The following KIF26B variants were observed in gnomAD, a reference collection of about 807,000 sequenced individuals.
The protein encoded by KIF26B is kinesin-like protein KIF26B.
KIF26B carries 63 observed loss-of-function variants against 151.2 expected under a neutral mutation model. The ratio of observed to expected loss-of-function variants is 0.42; its 90% CI spans 0.34 to 0.51. The LOEUF is 0.51. Ranked by LOEUF, KIF26B falls within the 20% of genes least tolerant of loss-of-function variation. KIF26B has a pLI of 0.07. For synonymous variants in KIF26B, 1,357 were observed against 1,262.1 expected (o/e 1.08, Z -1.59); for missense variants, 2,813 against 2,913.6 (o/e 0.97, Z 0.79).
At chr1:245,669,016 CAT>C (rs1558260739) in intron 10 of KIF26B, among the ~76,000 whole-genome samples, 1 of 152,274 alleles carries the variant, frequency 6.6e-6, no homozygotes, top group East Asian at 1.9e-4. Flanking sequence ...TTAAACCACA[CAT>C]GATACCCAGA....
chr1:245,678,929 G>A (rs1374403026), intron 10 of KIF26B, among the ~76,000 whole-genome samples: 2 of 152,016 alleles, frequency 1.3e-5, no homozygotes, highest in African/African-American at 2.4e-5. Flanking sequence ...ATGCCTGTGC[G>A]TATGGCTGGC....
chr1:245,242,070 A>C (rs1490683107), intron 2 of KIF26B, among the ~76,000 whole-genome samples: 1 of 152,226 alleles, frequency 6.6e-6, no homozygotes, highest in Non-Finnish European at 1.5e-5. Flanking sequence ...GATTTAAAAT[A>C]GCATCTCAAA....
rs58192966 is a variant in KIF26B, at chr1:245,451,585, C to CTTTTTTTTTTTTTTTTTTTT, written c.1166+31849_1166+31868dup. Among the ~76,000 whole-genome samples the CTTTTTTTTTTTTTTTTTTTT allele has an allele frequency of 4.3e-4, 25 of 58,754 alleles. 2 individuals carry two copies. Among genetic ancestry groups the CTTTTTTTTTTTTTTTTTTTT allele is most frequent in the African/African-American group, 9.9e-4 (14 of 14,090 alleles). The allele number at this position is 58,754 out of a possible 152,430, so 38.5% of individuals were successfully genotyped here. Reference sequence around the variant, plus strand: ...TATAATATGTATCCAGAAGATCTATCTTTTTTTTTTTTTTTTTTTTTTTTT... The same window carrying CTTTTTTTTTTTTTTTTTTTT: ...TATAATATGTATCCAGAAGATCTATCTTTTTTTTTTTTTTTTTTTTTTTTTTTTTTTTTTTTTTTTTTTTT... On this transcript the variant is annotated intron_variant, in intron 4 of 14. Coordinates refer to ENST00000407071, the MANE Select transcript of KIF26B (RefSeq NM_018012.4).
intron 4 of KIF26B, among the ~76,000 whole-genome samples, chr1:245,485,935 T>C (rs925559494): frequency 6.6e-6 from 1 of 152,224 alleles, no homozygotes; most frequent in Non-Finnish European, 1.5e-5. Context: ...TCAGTTTGTC[T>C]TCTGGTTAAA....
rs2044870794 is a variant in KIF26B at position 245,708,697 on chromosome 1, T to C, written c.*6091T>C. On this transcript the variant is annotated 3_prime_UTR_variant, in exon 15 of 15. Coordinates refer to ENST00000407071, the MANE Select transcript of KIF26B (RefSeq NM_018012.4). Reference sequence around the variant, plus strand: ...AATTCCAGCTTTGCCAGTCGTCCCGTCCGTGATATATTACCTAACTCCTCC... The same window carrying C: ...AATTCCAGCTTTGCCAGTCGTCCCGCCCGTGATATATTACCTAACTCCTCC... The C allele has an allele frequency of 6.6e-6, 1 of 152,212 alleles. No homozygotes were observed. Among genetic ancestry groups the C allele is most frequent in the African/African-American group, 2.4e-5 (1 of 41,454 alleles). The allele number at this position is 152,212 out of a possible 1,614,324, so 9.4% of individuals were successfully genotyped here.
At position 245,316,416 on chromosome 1, in the gene KIF26B, G is replaced by T. The variant is rs541096888; in HGVS notation, c.466-50418G>T. 5.9e-5 allele frequency among the ~76,000 whole-genome samples: 9 copies of T among 152,162 alleles called. No individual in the cohort carries two copies. The South Asian group carries it at 1.9e-3, about 32-fold the overall frequency. On this transcript the variant is annotated intron_variant, in intron 2 of 14. Coordinates refer to ENST00000407071, the MANE Select transcript of KIF26B (RefSeq NM_018012.4). The stretch of plus-strand genomic sequence containing the variant: ...TGGGATTACAGGCATGAGCCACCGC[G>T]TCCGGCCCCTGGGTGCTTCTTATTT...
At chr1:245,541,666 T>C (rs1661627102) in intron 5 of KIF26B, among the ~76,000 whole-genome samples, 3 of 152,218 alleles carry the variant, frequency 2.0e-5, no homozygotes, top group Non-Finnish European at 4.4e-5. Flanking sequence ...GTTTAATTTT[T>C]TATTTTTATC....
intron 2 of KIF26B, among the ~76,000 whole-genome samples, chr1:245,190,253 C>T (rs1308602706): frequency 6.6e-6 from 1 of 152,202 alleles, no homozygotes; most frequent in Admixed American, 6.5e-5. Flanking sequence ...ACCATATCAG[C>T]AGCCTATGGG....
At chr1:245,649,025 T>C (rs1473848222) in intron 10 of KIF26B, among the ~76,000 whole-genome samples, 4 of 152,216 alleles carry the variant, frequency 2.6e-5, no homozygotes, top group Admixed American at 6.5e-5. Flanking sequence ...GGAAACACGG[T>C]GGCCCTGGCC....
chr1:245,598,581 T>C (rs371613772), intron 5 of KIF26B, among the ~76,000 whole-genome samples: 5 of 152,084 alleles, frequency 3.3e-5, no homozygotes, highest in African/African-American at 1.2e-4. Flanking sequence ...GGGCTGCTCC[T>C]CCTCAGCCTC....
intron 10 of KIF26B, among the ~76,000 whole-genome samples, chr1:245,648,872 T>A (rs1276426815): frequency 2.6e-5 from 4 of 152,162 alleles, no homozygotes; most frequent in Non-Finnish European, 5.9e-5. Context: ...CTAGCTTCCA[T>A]GCAGTGTCAG....
Position 245,512,644 on chromosome 1 carries a change from G to GC in KIF26B, c.1167-28121dup, listed in dbSNP as rs1291796922. On this transcript the variant is annotated intron_variant, in intron 4 of 14. Coordinates refer to ENST00000407071, the MANE Select transcript of KIF26B (RefSeq NM_018012.4). The surrounding 1 kb of genome is among the most constrained non-coding windows in gnomAD (Gnocchi z 4.3). Reference sequence around the variant, plus strand: ...TTCCTGCTGGCCAAATGCACCTAGGGCCACGCCTTCTAAAATATGTCCTTT... The same window carrying GC: ...TTCCTGCTGGCCAAATGCACCTAGGGCCCACGCCTTCTAAAATATGTCCTTT... Among the ~76,000 whole-genome samples, 19 of 152,128 alleles carry GC rather than the reference G, an allele frequency of 1.2e-4. No individual in the cohort carries two copies. The highest frequency in any genetic ancestry group is 2.4e-4 in the Non-Finnish European group (16 of 68,030).
chr1:245,643,508 CTT>C (rs1420689639), intron 9 of KIF26B, among the ~76,000 whole-genome samples: 1 of 152,158 alleles, frequency 6.6e-6, no homozygotes, highest in Non-Finnish European at 1.5e-5. Flanking sequence ...TCCCGTCTGA[CTT>C]TTGTGTTATT....
intron 2 of KIF26B, among the ~76,000 whole-genome samples, chr1:245,307,218 A>G (rs1412475717): frequency 1.3e-5 from 2 of 152,346 alleles, no homozygotes; most frequent in Admixed American, 6.5e-5. Flanking sequence ...GTCTTTGAAG[A>G]GATTGGCAGC....
chr1:245,637,290 C>T (rs1013035579), intron 9 of KIF26B, among the ~76,000 whole-genome samples: 4 of 151,978 alleles, frequency 2.6e-5, no homozygotes, highest in Admixed American at 1.3e-4. Flanking sequence ...TTTCACATAC[C>T]TCTTGGCCAC....
chr1:245,527,523 G>GTTTTTTTTTTTTT (rs1219756621), intron 4 of KIF26B, among the ~76,000 whole-genome samples: 3 of 40,528 alleles, frequency 7.4e-5, no homozygotes, highest in African/African-American at 1.8e-4. Flanking sequence ...CTTTGGGATG[G>GTTTTTTTTTTTTT]CTTTTTTTTT....
intron 10 of KIF26B, among the ~76,000 whole-genome samples, chr1:245,649,885 C>G (rs2043996188): frequency 6.6e-6 from 1 of 152,232 alleles, no homozygotes; most frequent in African/African-American, 2.4e-5. Flanking sequence ...AGTTTGGATT[C>G]ATTACCCATC....
chr1:245,416,324 T>C lies in KIF26B; in HGVS notation c.1000-3255T>C, dbSNP rs564883386. ...AGAATCAAACAAAATAGAAAAGCAA[T>C]GAAATGTTTTAAAGAAATGACTCTT... On this transcript the variant is annotated intron_variant, in intron 3 of 14. Coordinates refer to ENST00000407071, the MANE Select transcript of KIF26B (RefSeq NM_018012.4). Among the ~76,000 whole-genome samples, 3 of 144,510 alleles carry C rather than the reference T, an allele frequency of 2.1e-5. No individual in the cohort carries two copies. In the South Asian group the frequency reaches 6.6e-4, roughly 32 times the overall value. 94.8% of individuals were successfully genotyped at this position (144,510 alleles called of 152,430 possible).
At chr1:245,395,109 G>C (rs368948432) in intron 3 of KIF26B, among the ~76,000 whole-genome samples, 2,211 of 91,428 alleles carry the variant, frequency 0.024, 55 homozygotes, top group African/African-American at 0.081. Context: ...CAATATTATA[G>C]AGCTAGTTCA....
Sources: allele counts gnomAD v4.1 joint callset (sites outside exome capture counted in the v4.1 genomes callset), GRCh38; gene constraint gnomAD v4.1.1; non-coding constraint Gnocchi (gnomAD v3.1); transcripts MANE v1.5; gene names NCBI Gene and HGNC (gene_info 2026-07-23, HGNC 2026-07-21).